The following EPS15 variants were observed in gnomAD, a reference collection of about 807,000 sequenced individuals.
The protein encoded by EPS15 is epidermal growth factor receptor substrate 15.
EPS15 carries 72 observed loss-of-function variants against 113.8 expected under a neutral mutation model. The ratio of observed to expected loss-of-function variants is 0.63; its 90% CI spans 0.52 to 0.77. The LOEUF is 0.77. Among genes scored for constraint, EPS15 ranks in the 30% least tolerant of loss-of-function variants. EPS15 has a pLI of 0.00. For synonymous variants in EPS15, 344 were observed against 363.4 expected, an observed-to-expected ratio of 0.95 and a Z score of 0.61; for missense variants, 1,048 against 1,045.8, an observed-to-expected ratio of 1.00 and a Z score of -0.03.
At chr1:51,468,377 G>A in intron 5 of EPS15, 96 bp downstream of exon 5, 1 of 916,530 alleles carries the variant, frequency 1.1e-6, no homozygotes, top group East Asian at 2.6e-5. Context: ...AGGGCCAAAG[G>A]GAGAATTCCT....
intron 13 of EPS15, among the ~76,000 whole-genome samples, chr1:51,416,612 C>T (rs997065888): frequency 6.6e-6 from 1 of 152,020 alleles, no homozygotes; most frequent in African/African-American, 2.4e-5. Context: ...CCTCTATCCC[C>T]CATGAAGTGC....
chr1:51,356,924 C>A (rs1570054441), intron 24 of EPS15, 78 bp from the exon 25 acceptor site: 4 of 1,262,900 alleles, frequency 3.2e-6, no homozygotes, highest in African/African-American at 1.5e-5. Context: ...ATAGTTTTTA[C>A]AAAAGGACAC....
intron 23 of EPS15, among the ~76,000 whole-genome samples, chr1:51,362,391 C>A (rs1315459990): frequency 1.3e-5 from 2 of 152,152 alleles, no homozygotes; most frequent in East Asian, 1.9e-4. Context: ...ACAAACCAGT[C>A]TTTTCCTTAA....
intron 1 of EPS15, among the ~76,000 whole-genome samples, chr1:51,516,724 T>C (rs1644724769): frequency 6.6e-6 from 1 of 152,180 alleles, no homozygotes; most frequent in South Asian, 2.1e-4. Context: ...TAATAGGTAC[T>C]ATAAAAATAT....
chr1:51,452,284 T>C (rs1653640313), intron 8 of EPS15, among the ~76,000 whole-genome samples: 1 of 152,020 alleles, frequency 6.6e-6, no homozygotes, highest in Non-Finnish European at 1.5e-5. Context: ...AATTTGTTTA[T>C]TTTATTTAAT....
At chr1:51,426,837 C>CTCTCTATATATATA (rs377211027) in intron 12 of EPS15, among the ~76,000 whole-genome samples, 17 of 143,648 alleles carry the variant, frequency 1.2e-4, no homozygotes, top group African/African-American at 2.9e-4. Context: ...CTCTCTCTCT[C>CTCTCTATATATATA]TATATATATA....
intron 21 of EPS15, among the ~76,000 whole-genome samples, chr1:51,370,078 ATGTT>A (rs1264370812): frequency 2.0e-5 from 3 of 152,202 alleles, no homozygotes; most frequent in Admixed American, 1.3e-4. Flanking sequence ...CCACATAACA[ATGTT>A]TGGTCAACAA....
At chr1:51,368,092 A>G (rs1283703304) in intron 21 of EPS15, among the ~76,000 whole-genome samples, 1 of 152,228 alleles carries the variant, frequency 6.6e-6, no homozygotes, top group African/African-American at 2.4e-5. Flanking sequence ...AGATTGCGCC[A>G]CTGCACTCCA....
rs1345639439 is a variant in EPS15 at position 51,462,886 on chromosome 1, TTTTTTTTTTC to T, written c.501+777_501+786del. On this transcript the variant is annotated intron_variant, in intron 7 of 24. Transcript: ENST00000371733. ...AAAAGTCAGATTTTTTTTTTTTTTTTTTTTTTTTTCTAAGACAGTCTTGCTTGTCGCCCAG... is the reference window on the plus strand; with the variant it reads ...AAAAGTCAGATTTTTTTTTTTTTTTTTAAGACAGTCTTGCTTGTCGCCCAG... Among the ~76,000 whole-genome samples, 153 of 147,308 alleles carry T rather than the reference TTTTTTTTTTC, an allele frequency of 1.0e-3. 2 individuals carry two copies. The highest frequency in any genetic ancestry group is 3.8e-3 in the African/African-American group (151 of 39,766).
chr1:51,376,172 GCTGTGGCAA>G (rs1487585679), intron 21 of EPS15, among the ~76,000 whole-genome samples: 1 of 152,222 alleles, frequency 6.6e-6, no homozygotes, highest in African/African-American at 2.4e-5. Flanking sequence ...GGCTAATGCA[GCTGTGGCAA>G]CTTTTAAGTT....
intron 5 of EPS15, 136 bp downstream of exon 5, chr1:51,468,337 A>AG (rs1379345675): frequency 2.9e-6 from 2 of 680,414 alleles, no homozygotes. Flanking sequence ...AGGAGCCAGT[A>AG]GGGGGAAAAA....
chr1:51,418,408 G>A (rs1281272481), intron 13 of EPS15, among the ~76,000 whole-genome samples: 1 of 152,038 alleles, frequency 6.6e-6, no homozygotes, highest in Non-Finnish European at 1.5e-5. Flanking sequence ...GAACAGATTT[G>A]GCCTTAAGAT....
At chr1:51,400,872 A>T in intron 19 of EPS15, 46 bp downstream of exon 19, 1 of 1,349,958 alleles carries the variant, frequency 7.4e-7, no homozygotes, top group Non-Finnish European at 1.0e-6. Context: ...CTTATTATTA[A>T]GCAGAAATGA....
chr1:51,475,645 T>C (rs1006692704), intron 2 of EPS15, among the ~76,000 whole-genome samples: 5 of 152,202 alleles, frequency 3.3e-5, no homozygotes, highest in African/African-American at 4.8e-5. Flanking sequence ...TTCACTCTGA[T>C]TGTAGTTTCT....
intron 13 of EPS15, among the ~76,000 whole-genome samples, chr1:51,414,723 G>C (rs1190508804): frequency 6.6e-6 from 1 of 151,786 alleles, no homozygotes; most frequent in Non-Finnish European, 1.5e-5. Context: ...ATGTAATTTT[G>C]ATGTCTTTTA....
rs527856648 is a variant in EPS15 at position 51,496,569 on chromosome 1, C to G, written c.34-15255G>C. Reference sequence around the variant, plus strand: ...ATCATAAACAAACATTAAGTCAAAGCTTTCTTCACATTCAAAATCTGAAGA... The same window carrying G: ...ATCATAAACAAACATTAAGTCAAAGGTTTCTTCACATTCAAAATCTGAAGA... On this transcript the variant is annotated intron_variant, in intron 1 of 24. Coordinates refer to ENST00000371733, the MANE Select transcript of EPS15 (RefSeq NM_001981.3). Among the ~76,000 whole-genome samples the G allele has an allele frequency of 3.9e-5, 6 of 152,298 alleles. No individual in the cohort carries two copies. The South Asian group carries it at 1.0e-3, about 26-fold the overall frequency.
chr1:51,450,695 T>A (rs1349366505), intron 8 of EPS15, among the ~76,000 whole-genome samples: 1 of 151,828 alleles, frequency 6.6e-6, no homozygotes, highest in East Asian at 1.9e-4. Flanking sequence ...GCAAATGTGT[T>A]TCCCCTTCGG....
chr1:51,402,695 T>C (rs1240310092), intron 17 of EPS15, among the ~76,000 whole-genome samples, 170 bp from the exon 18 acceptor site: 2 of 152,074 alleles, frequency 1.3e-5, no homozygotes, highest in Non-Finnish European at 2.9e-5. Context: ...GAGGCTGACG[T>C]GGGCAGATCA....
intron 1 of EPS15, among the ~76,000 whole-genome samples, chr1:51,512,580 GAGAA>G (rs1644641601): frequency 6.6e-6 from 1 of 151,882 alleles, no homozygotes; most frequent in Admixed American, 6.6e-5. Context: ...ACAAATCAGT[GAGAA>G]AGAAGACAAA....
Sources: allele counts gnomAD v4.1 joint callset (sites outside exome capture counted in the v4.1 genomes callset), GRCh38; gene constraint gnomAD v4.1.1; transcripts MANE v1.5; gene names NCBI Gene and HGNC (gene_info 2026-07-23, HGNC 2026-07-21).